Variants in KIF26B observed in about 807,000 individuals in gnomAD.
The protein encoded by KIF26B is kinesin-like protein KIF26B.
KIF26B carries 63 observed loss-of-function variants against 151.2 expected under a neutral mutation model. The observed-to-expected ratio is 0.42, with a 90% CI of 0.34 to 0.51. KIF26B has a LOEUF of 0.51. Among genes scored for constraint, KIF26B ranks in the 20% least tolerant of loss-of-function variants. The pLI is 0.07. For synonymous variants in KIF26B, 1,357 were observed against 1,262.1 expected, an observed-to-expected ratio of 1.08 and a Z score of -1.59; for missense variants, 2,813 against 2,913.6, an observed-to-expected ratio of 0.97 and a Z score of 0.79.
chr1:245,689,533 G>A (rs575136208), intron 12 of KIF26B, among the ~76,000 whole-genome samples: 69 of 152,352 alleles, frequency 4.5e-4, no homozygotes, highest in Middle Eastern at 3.4e-3. Context: ...CCTGAAATGC[G>A]TGATTTTGGA....
intron 2 of KIF26B, among the ~76,000 whole-genome samples, chr1:245,236,467 T>C (rs1000230198): frequency 1.3e-5 from 2 of 152,208 alleles, no homozygotes; most frequent in African/African-American, 2.4e-5. Flanking sequence ...TGGGACGTAA[T>C]TGACAATCAA....
intron 4 of KIF26B, among the ~76,000 whole-genome samples, chr1:245,499,127 C>T (rs1165023474): frequency 6.6e-6 from 1 of 152,100 alleles, no homozygotes; most frequent in African/African-American, 2.4e-5. Context: ...TGTCAAGCAG[C>T]TCATGTTACC....
chr1:245,336,514 C>G (rs1340766310), intron 2 of KIF26B, among the ~76,000 whole-genome samples: 3 of 152,180 alleles, frequency 2.0e-5, no homozygotes, highest in African/African-American at 7.2e-5. Flanking sequence ...TCTTCACGCA[C>G]GTGGAATCAG....
At chr1:245,243,873 AGAAAGAAAG>A (rs1327579032) in intron 2 of KIF26B, among the ~76,000 whole-genome samples, 3 of 35,530 alleles carry the variant, frequency 8.4e-5, no homozygotes. Context: ...AAGAAGAAAA[AGAAAGAAAG>A]GAAAGGAAAG....
In KIF26B at chr1:245,686,090, C is replaced by T. The variant is rs747566553; in HGVS notation, c.3107C>T (p.Pro1036Leu). ...AGCAGTAGCCAGCACAGCGCCTCCC[C>T]ACTCGTGCAGAGCCCCAGCCTCCAG... Reference protein sequence around the residue: ...PGSSSQHSASPLVQSPSLQSS... With the variant: ...PGSSSQHSASLLVQSPSLQSS... The change falls in exon 12 of 15, where the codon CCA becomes CTA. Residue 1036 changes from proline (P) to leucine (L), a missense_variant. By Grantham distance (98) the Pro-to-Leu change is moderately conservative. Around this residue, in one of 3 missense-constraint regions of KIF26B, gnomAD observed 2,060 missense variants for 2,088.6 expected, o/e 0.99. Coordinates refer to ENST00000407071, the MANE Select transcript of KIF26B (RefSeq NM_018012.4). This position sits in a 1 kb window ranked among gnomAD's most constrained non-coding sequence, Gnocchi z 5.6. The T allele has an allele frequency of 1.9e-6, 3 of 1,604,560 alleles. No homozygotes were observed. Among genetic ancestry groups the T allele is most frequent in the African/African-American group, 2.7e-5 (2 of 74,668 alleles).
At chr1:245,626,689 G>T (rs1406607193) in intron 9 of KIF26B, among the ~76,000 whole-genome samples, 1 of 151,898 alleles carries the variant, frequency 6.6e-6, no homozygotes, top group East Asian at 1.9e-4. Flanking sequence ...TTGTCTCTTT[G>T]CTCTGTTGAT....
Position 245,367,500 on chromosome 1 carries a change from C to T in KIF26B, c.999+133C>T. The T allele has an allele frequency of 1.1e-6, 1 of 887,398 alleles. No homozygotes were observed. Among genetic ancestry groups the T allele is most frequent in the South Asian group, 1.8e-5 (1 of 56,604 alleles). The allele number at this position is 887,398 out of a possible 1,614,324, so 55.0% of individuals were successfully genotyped here. ...GCCCAGTGTTTCCATGTGGCCCCCA[C>T]AGAGTTCTCATCAAGGTGCCCCACC... On this transcript the variant is annotated intron_variant, in intron 3 of 14. Coordinates refer to ENST00000407071, the MANE Select transcript of KIF26B (RefSeq NM_018012.4). This position sits in a 1 kb window ranked among gnomAD's most constrained non-coding sequence, Gnocchi z 4.2.
intron 2 of KIF26B, among the ~76,000 whole-genome samples, chr1:245,334,859 C>T (rs1672189489): frequency 6.6e-6 from 1 of 152,118 alleles, no homozygotes; most frequent in African/African-American, 2.4e-5. Context: ...ACTGCCGTTC[C>T]ATTTTCATAG....
intron 5 of KIF26B, among the ~76,000 whole-genome samples, chr1:245,591,882 G>A (rs1049907700): frequency 1.3e-5 from 2 of 152,136 alleles, no homozygotes; most frequent in Admixed American, 6.5e-5. Context: ...TTGGTGGGGG[G>A]ACCTGGCCCC....
intron 9 of KIF26B, among the ~76,000 whole-genome samples, chr1:245,643,743 CTTTTG>C (rs2043917077): frequency 6.6e-6 from 1 of 152,020 alleles, no homozygotes; most frequent in South Asian, 2.1e-4. Context: ...CTTTATTTCC[CTTTTG>C]TTTTGGAATG....
rs1326792763 is a variant in KIF26B at position 245,227,873 on chromosome 1, G to A, written c.465+71190G>A. On this transcript the variant is annotated intron_variant, in intron 2 of 14. Coordinates refer to ENST00000407071, the MANE Select transcript of KIF26B (RefSeq NM_018012.4). The surrounding 1 kb of genome is among the most constrained non-coding windows in gnomAD (Gnocchi z 4.1). ...AAAAATTAGCCGGGCATGGTGGCGG[G>A]CACCTGTAATCCCAGCTACTTAGGA... 6.6e-6 allele frequency among the ~76,000 whole-genome samples: 1 copy of A among 152,008 alleles called. No homozygotes were observed. The highest frequency in any genetic ancestry group is 1.5e-5 in the Non-Finnish European group (1 of 68,002).
intron 4 of KIF26B, among the ~76,000 whole-genome samples, chr1:245,524,307 C>T (rs975192668): frequency 1.3e-5 from 2 of 152,166 alleles, no homozygotes; most frequent in African/African-American, 4.8e-5. Context: ...AGGTAGTTAC[C>T]GTTATTTTCA....
In KIF26B at chr1:245,603,464, T is replaced by C. The variant is rs554202383; in HGVS notation, c.1557+681T>C. On this transcript the variant is annotated intron_variant, in intron 6 of 14. Transcript: ENST00000407071. ...CTGGTCCTAGCTCAGCTCATTTTTA[T>C]GTCTGTGATCAGCTGTGGGTTGGGC... is the stretch of plus-strand genomic sequence containing the variant. 4.6e-5 allele frequency among the ~76,000 whole-genome samples: 7 copies of C among 152,224 alleles called. 1 individual carries two copies. The South Asian group carries it at 1.5e-3, about 32-fold the overall frequency.
At chr1:245,527,688 C>T (rs1005762679) in intron 4 of KIF26B, among the ~76,000 whole-genome samples, 3 of 151,468 alleles carry the variant, frequency 2.0e-5, no homozygotes, top group South Asian at 2.1e-4. Context: ...CGCCTGCAAC[C>T]ACGCCCGGCT....
intron 9 of KIF26B, among the ~76,000 whole-genome samples, chr1:245,623,838 T>G (rs1183179815): frequency 6.6e-6 from 1 of 152,184 alleles, no homozygotes; most frequent in Non-Finnish European, 1.5e-5. Context: ...TTCCAAGCAT[T>G]TCAGATAAGG....
chr1:245,689,469 G>A (rs2147960018), intron 12 of KIF26B, among the ~76,000 whole-genome samples: 1 of 152,346 alleles, frequency 6.6e-6, no homozygotes, highest in East Asian at 1.9e-4. Context: ...GGACAGTCAT[G>A]TTTGCACACC....
rs35902699 is a variant in KIF26B at position 245,336,126 on chromosome 1, A to G, written c.466-30708A>G. Among the ~76,000 whole-genome samples the G allele has an allele frequency of 7.4e-3, 724 of 98,344 alleles. 7 individuals are homozygous for G. The highest frequency in any genetic ancestry group is 0.02 in the East Asian group (50 of 2,454). The allele number at this position is 98,344 out of a possible 152,430, so 64.5% of individuals were successfully genotyped here. ...GGAGGGTCCCACGCAGGGAAAGAAG[A>G]GTCCCACGCAGGGAGAGTCCCATGC... On this transcript the variant is annotated intron_variant, in intron 2 of 14. Transcript: ENST00000407071.
At chr1:245,450,626 C>T (rs900944177) in intron 4 of KIF26B, among the ~76,000 whole-genome samples, 10 of 152,190 alleles carry the variant, frequency 6.6e-5, no homozygotes, top group African/African-American at 2.2e-4. Flanking sequence ...TTCATCTTCT[C>T]ATTGGGAAAA....
chr1:245,456,976 C>G (rs1040867372), intron 4 of KIF26B, among the ~76,000 whole-genome samples: 2 of 152,222 alleles, frequency 1.3e-5, no homozygotes, highest in Non-Finnish European at 2.9e-5. Context: ...AGCGATTCTC[C>G]TGCCTCAGCC....
Sources: allele counts gnomAD v4.1 joint callset (sites outside exome capture counted in the v4.1 genomes callset), GRCh38; gene constraint gnomAD v4.1.1; regional missense constraint gnomAD v4.1.1; non-coding constraint Gnocchi (gnomAD v3.1); transcripts MANE v1.5; gene names NCBI Gene and HGNC (gene_info 2026-07-23, HGNC 2026-07-21).